SPINT3: variants seen among roughly 807,000 people sequenced by gnomAD.
SPINT3 encodes the protein kunitz-type protease inhibitor 3.
A neutral mutation model predicts 3.3 loss-of-function variants in SPINT3; 4 were observed. That is an observed-to-expected ratio of 1.22 (90% CI 0.60 to 2.79). The LOEUF is 2.79. Among genes scored for constraint, SPINT3 ranks in the 30% most tolerant of loss-of-function variants. The pLI, the probability that SPINT3 is intolerant of heterozygous loss-of-function variation, is 0.01. For synonymous variants in SPINT3, 30 were observed against 38.6 expected (o/e 0.78, Z 0.83); for missense variants, 97 against 104.3 (o/e 0.93, Z 0.31).
Position 45,512,714 on chromosome 20 carries a change from G to A in SPINT3, c.207C>T (p.Cys69=), listed in dbSNP as rs1253073866. The A allele has an allele frequency of 7.1e-6, 11 of 1,551,538 alleles. No individual in the cohort carries two copies. Among genetic ancestry groups the A allele is most frequent in the African/African-American group, 2.7e-5 (2 of 73,150 alleles). ...GECELFAYGG[C]GGNSNNFLRK... ...TCAAAAAGTTGTTGCTGTTGCCTCC[G>A]CAGCCTCCGTAAGCAAATAACTCAC... is the stretch of plus-strand genomic sequence containing the variant. Residue 69 remains cysteine, a synonymous_variant, in exon 2 of 2, where the codon TGC becomes TGT. Coordinates refer to ENST00000217428, the MANE Select transcript of SPINT3 (RefSeq NM_006652.2).
intron 1 of SPINT3, 59 bp downstream of exon 1, chr20:45,515,473 CA>C: frequency 1.4e-6 from 2 of 1,385,134 alleles, no homozygotes; most frequent in East Asian, 2.5e-5. Context: ...CCTCCCCCAC[CA>C]CCCCGCCCCC....
intron 1 of SPINT3, among the ~76,000 whole-genome samples, chr20:45,514,548 C>T (rs768351875): frequency 1.4e-4 from 21 of 152,216 alleles, no homozygotes; most frequent in Non-Finnish European, 2.4e-4. Context: ...TAAACCACTA[C>T]ATTCTTCTTA....
chr20:45,514,463 T>C (rs566216341), intron 1 of SPINT3, among the ~76,000 whole-genome samples: 22 of 152,348 alleles, frequency 1.4e-4, no homozygotes, highest in African/African-American at 4.8e-4. Context: ...ATGATGTTCC[T>C]GAGGCACAGA....
intron 1 of SPINT3, 59 bp downstream of exon 1, chr20:45,515,470 CACCA>C: frequency 3.1e-5 from 43 of 1,392,562 alleles, no homozygotes; most frequent in Middle Eastern, 1.8e-4. Flanking sequence ...TCACCTCCCC[CACCA>C]CCCCGCCCCC....
chr20:45,515,123 C>T (rs931669762), intron 1 of SPINT3, among the ~76,000 whole-genome samples: 1 of 152,052 alleles, frequency 6.6e-6, no homozygotes, highest in Middle Eastern at 3.4e-3. Context: ...TTGGCTAAGT[C>T]CCTCACTCTC....
chr20:45,514,498 C>A (rs1330342878), intron 1 of SPINT3, among the ~76,000 whole-genome samples: 1 of 152,150 alleles, frequency 6.6e-6, no homozygotes, highest in Non-Finnish European at 1.5e-5. Flanking sequence ...GAGCCTGGAC[C>A]AGAACCCAGG....
chr20:45,515,434 A>G, intron 1 of SPINT3, 99 bp downstream of exon 1: 1 of 992,392 alleles, frequency 1.0e-6, no homozygotes, highest in Non-Finnish European at 1.5e-6. Flanking sequence ...CCGGTAAGGT[A>G]AGAAATGGGC....
At chr20:45,515,484 C>A (rs1046189716) in intron 1 of SPINT3, 49 bp downstream of exon 1, 2 of 1,479,760 alleles carry the variant, frequency 1.4e-6, no homozygotes, top group East Asian at 2.5e-5. Context: ...ACCCCGCCCC[C>A]CAGCCTGATT....
chr20:45,512,903 A>G (rs1460267880), intron 1 of SPINT3, 59 bp from the exon 2 acceptor site: 11 of 1,424,136 alleles, frequency 7.7e-6, no homozygotes, highest in Admixed American at 2.1e-5. Context: ...TGTTTGCCTC[A>G]TATGCCAGGG....
rs920457436 is a variant in SPINT3, at chr20:45,512,570, C to T, written c.*81G>A. ...GGAATGAACCTCTTGTTCACACACA[C>T]ACACACACACACACGCAAATGCCTT... On this transcript the variant is annotated 3_prime_UTR_variant, in exon 2 of 2. Coordinates refer to ENST00000217428, the MANE Select transcript of SPINT3 (RefSeq NM_006652.2). 1.4e-5 allele frequency: 18 copies of T among 1,286,338 alleles called. No individual in the cohort carries two copies. The highest frequency in any genetic ancestry group is 2.2e-5 in the Admixed American group (1 of 45,108). 79.7% of individuals were successfully genotyped at this position (1,286,338 alleles called of 1,614,324 possible). A position where few individuals can be genotyped will look rare whatever the true frequency, so the allele number is the denominator to read the frequency against.
intron 1 of SPINT3, among the ~76,000 whole-genome samples, chr20:45,513,094 C>T (rs540475696): frequency 3.9e-5 from 6 of 152,318 alleles, no homozygotes; most frequent in South Asian, 2.1e-4. Flanking sequence ...GAGATCCTCG[C>T]GCAGCCACTT....
Position 45,515,539 on chromosome 20 carries a change from C to G in SPINT3, c.70G>C (p.Ala24Pro), listed in dbSNP as rs888436313. The G allele has an allele frequency of 1.3e-6, 2 of 1,551,220 alleles. No homozygotes were observed. The highest frequency in any genetic ancestry group is 1.7e-6 in the Non-Finnish European group (2 of 1,146,874). ...TCCCACATTTCATACCAACCTCGTG[C>G]TAGTTCTGATCGAAGCTCTAGGCAG... Reference protein sequence around the residue: ...TLCLELRSELARDTIKDLLPN... With the variant: ...TLCLELRSELPRDTIKDLLPN... Residue 24 changes from alanine to proline, a missense_variant, in exon 1 of 2, where the codon GCA (alanine) becomes CCA (proline). Physicochemically the swap from Ala to Pro is conservative, Grantham distance 27. Coordinates refer to ENST00000217428, the MANE Select transcript of SPINT3 (RefSeq NM_006652.2).
chr20:45,513,111 G>GA, intron 1 of SPINT3, among the ~76,000 whole-genome samples: 1 of 152,314 alleles, frequency 6.6e-6, no homozygotes, highest in East Asian at 1.9e-4. Flanking sequence ...ACTTGCTACT[G>GA]TGTGATGTTG....
chr20:45,513,661 C>G (rs1307379287), intron 1 of SPINT3, among the ~76,000 whole-genome samples: 1 of 152,228 alleles, frequency 6.6e-6, no homozygotes, highest in Non-Finnish European at 1.5e-5. Flanking sequence ...AAAACCACCA[C>G]CACCACCCCA....
rs749822396 is a variant in SPINT3 at position 45,515,532 on chromosome 20, C to A, written c.76+1G>T. 7.8e-6 allele frequency: 12 copies of A among 1,544,646 alleles called. No individual in the cohort carries two copies. In the Middle Eastern group the frequency reaches 6.7e-4, roughly 86 times the overall value. Reference sequence around the variant, plus strand: ...TTTGAGATCCCACATTTCATACCAACCTCGTGCTAGTTCTGATCGAAGCTC... The same window carrying A: ...TTTGAGATCCCACATTTCATACCAAACTCGTGCTAGTTCTGATCGAAGCTC... On this transcript the variant is annotated splice_donor_variant, in intron 1 of 1. Transcript: ENST00000217428. LOFTEE classifies it high-confidence loss of function.
In SPINT3 at chr20:45,515,597, C is replaced by T. The variant is rs1444186615; in HGVS notation, c.12G>A (p.Gln4=). Residue 4 remains glutamine (Q), a synonymous_variant, in exon 1 of 2, where the codon CAG becomes CAA. Transcript: ENST00000217428. MQL[Q]ASLSFLLILT... ...GAATCAGGAGAAACGAGAGAGAGGC[C>T]TGAAGCTGCATGGTGCCACTCAGCC... The T allele has an allele frequency of 1.3e-6, 2 of 1,551,522 alleles. No individual in the cohort carries two copies. Among genetic ancestry groups the T allele is most frequent in the Admixed American group, 2.0e-5 (1 of 50,992 alleles).
intron 1 of SPINT3, among the ~76,000 whole-genome samples, chr20:45,513,093 G>T (rs998134760): frequency 4.6e-5 from 7 of 152,200 alleles, no homozygotes; most frequent in African/African-American, 1.7e-4. Context: ...TGAGATCCTC[G>T]CGCAGCCACT....
At chr20:45,515,478 CGCCCCCCA>C in intron 1 of SPINT3, 47 bp downstream of exon 1, 1 of 1,324,012 alleles carries the variant, frequency 7.6e-7, no homozygotes, top group Non-Finnish European at 1.1e-6. Flanking sequence ...CCCACCACCC[CGCCCCCCA>C]GCCTGATTCC....
intron 1 of SPINT3, among the ~76,000 whole-genome samples, chr20:45,513,647 A>T (rs1056707229): frequency 6.6e-6 from 1 of 152,298 alleles, no homozygotes; most frequent in Non-Finnish European, 1.5e-5. Flanking sequence ...ATATTTGTTA[A>T]TAGAAAACCA....
Sources: gnomAD v4.1 joint callset for allele counts (sites outside exome capture counted in the v4.1 genomes callset) on GRCh38, gnomAD v4.1.1 for gene constraint, MANE v1.5 for transcripts, NCBI Gene and HGNC (gene_info 2026-07-23, HGNC 2026-07-21) for gene names.